The following HFM1 variants were observed in gnomAD, a reference collection of about 807,000 sequenced individuals.
HFM1 encodes probable ATP-dependent DNA helicase HFM1.
HFM1 carries 169 observed loss-of-function variants against 192.1 expected under a neutral mutation model. That is an observed-to-expected ratio of 0.88 (90% confidence interval 0.78 to 1.00). HFM1 has a LOEUF of 1.00. Ranked by LOEUF, HFM1 falls within the 50% of genes least tolerant of loss-of-function variation. HFM1 has a pLI of 0.00. For synonymous variants in HFM1, 525 were observed against 537.8 expected, an observed-to-expected ratio of 0.98 and a Z score of 0.33; for missense variants, 1,661 against 1,668.0, an observed-to-expected ratio of 1.00 and a Z score of 0.07.
At chr1:91,329,791 T>C (rs1653531168) in intron 20 of HFM1, among the ~76,000 whole-genome samples, 1 of 152,154 alleles carries the variant, frequency 6.6e-6, no homozygotes, top group Admixed American at 6.5e-5. Context: ...CATTGTTACA[T>C]GAAAGTGATA....
intron 19 of HFM1, among the ~76,000 whole-genome samples, chr1:91,345,679 TC>T (rs796160241): frequency 2.8e-4 from 43 of 152,262 alleles, no homozygotes; most frequent in African/African-American, 9.9e-4. Context: ...CTCTGATCTT[TC>T]CCTGCCTTTC....
chr1:91,367,832 G>A (rs1659584412), intron 13 of HFM1, among the ~76,000 whole-genome samples: 1 of 152,070 alleles, frequency 6.6e-6, no homozygotes, highest in Non-Finnish European at 1.5e-5. Context: ...TGAACCCATG[G>A]CAAAGAAGTT....
chr1:91,392,345 C>T (rs530209128), intron 4 of HFM1, among the ~76,000 whole-genome samples: 2 of 152,232 alleles, frequency 1.3e-5, no homozygotes, highest in African/African-American at 4.8e-5. Context: ...TTGGAACCAA[C>T]CAAATGTCCA....
intron 33 of HFM1, among the ~76,000 whole-genome samples, chr1:91,274,466 G>A (rs895072403): frequency 3.9e-5 from 6 of 152,014 alleles, no homozygotes; most frequent in Non-Finnish European, 8.8e-5. Context: ...TATAAAGAGA[G>A]AACCTAAGGG....
intron 20 of HFM1, among the ~76,000 whole-genome samples, chr1:91,330,229 A>C (rs1653608273): frequency 6.6e-6 from 1 of 152,152 alleles, no homozygotes; most frequent in South Asian, 2.1e-4. Context: ...AGTTATAAAG[A>C]AAAAAGTCAA....
intron 23 of HFM1, among the ~76,000 whole-genome samples, chr1:91,320,712 A>G (rs1245399349): frequency 6.6e-6 from 1 of 152,166 alleles, no homozygotes; most frequent in Non-Finnish European, 1.5e-5. Flanking sequence ...GTACAGAACC[A>G]TGGCAGGGCT....
chr1:91,356,245 T>TTA (rs1306569434), intron 13 of HFM1, among the ~76,000 whole-genome samples: 2 of 139,852 alleles, frequency 1.4e-5, no homozygotes, highest in East Asian at 4.3e-4. Flanking sequence ...CTAAGAGGAA[T>TTA]TTTTTTTTTT....
chr1:91,374,411 A>AGT lies in HFM1; in HGVS notation c.1685+945_1685+946dup, dbSNP rs756882940. On this transcript the variant is annotated intron_variant, in intron 13 of 38. Transcript: ENST00000370425. ...TGTAGAGAATAAAGCTGGATAAGAG[A>AGT]GTGTGTGTGTAGTGATTAAAGAAAA... is the stretch of plus-strand genomic sequence containing the variant. Among the ~76,000 whole-genome samples the AGT allele has an allele frequency of 7.9e-5, 12 of 152,144 alleles. No individual in the cohort carries two copies. In the East Asian group the frequency reaches 1.5e-3, roughly 20 times the overall value.
At chr1:91,296,612 G>T (rs767644555) in intron 30 of HFM1, among the ~76,000 whole-genome samples, 8 of 152,022 alleles carry the variant, frequency 5.3e-5, no homozygotes, top group Non-Finnish European at 1.0e-4. Context: ...AGATTAATTT[G>T]GGGAGAACTG....
At chr1:91,263,489 C>T (rs1354623700) in intron 36 of HFM1, among the ~76,000 whole-genome samples, 1 of 152,064 alleles carries the variant, frequency 6.6e-6, no homozygotes, top group African/African-American at 2.4e-5. Context: ...CACCTATAAT[C>T]CCAGCATTTT....
Position 91,401,037 on chromosome 1 carries a change from AAAAC to A in HFM1, c.42_45del (p.Leu14PhefsTer27). ...TTTTCAACTTCATCTGGTTTTTCAA[AAAAC>A]AAATTTTCCAAAGAAAACAGGCAAT... is the stretch of plus-strand genomic sequence containing the variant. On this transcript the variant is annotated frameshift_variant, in exon 2 of 39. Coordinates refer to ENST00000370425, the MANE Select transcript of HFM1 (RefSeq NM_001017975.6). LOFTEE classifies it high-confidence loss of function. 1 of 1,556,222 alleles carries A rather than the reference AAAAC, an allele frequency of 6.4e-7. No homozygotes were observed. Among genetic ancestry groups the A allele is most frequent in the Non-Finnish European group, 8.7e-7 (1 of 1,152,726 alleles).
At chr1:91,324,536 C>G (rs1006076051) in intron 21 of HFM1, 139 bp downstream of exon 21, 1 of 582,888 alleles carries the variant, frequency 1.7e-6, no homozygotes, top group Non-Finnish European at 3.1e-6. Flanking sequence ...CAGAATTATA[C>G]CAGAGGATAT....
At chr1:91,348,526 C>T (rs182918054) in intron 18 of HFM1, among the ~76,000 whole-genome samples, 36 of 152,020 alleles carry the variant, frequency 2.4e-4, no homozygotes, top group African/African-American at 6.5e-4. Context: ...CTGCATTGTT[C>T]GTAAGAGCAA....
chr1:91,298,790 A>G (rs1029140489), intron 30 of HFM1, among the ~76,000 whole-genome samples: 2 of 152,226 alleles, frequency 1.3e-5, no homozygotes, highest in Non-Finnish European at 2.9e-5. Flanking sequence ...TGAAGGAAGC[A>G]ATAAACATGG....
Position 91,319,329 on chromosome 1 carries a change from C to T in HFM1, c.2644G>A (p.Ala882Thr), listed in dbSNP as rs377522857. 34 of 1,612,450 alleles carry T rather than the reference C, an allele frequency of 2.1e-5. No homozygotes were observed. The highest frequency in any genetic ancestry group is 3.3e-4 in the Middle Eastern group (2 of 6,056). ...CGGGAGCCATGTCTGAAAATCTTTG[C>T]GGTATCTTGTGTCAAAGCAAAATCT... is the stretch of plus-strand genomic sequence containing the variant. ...IQDFALTQDT[A>T]KIFRHGSRIT... is the part of the protein sequence containing the mutation. Residue 882 changes from alanine to threonine, a missense_variant, in exon 24 of 39, where the codon GCA becomes ACA. By Grantham distance (58) the Ala-to-Thr change is moderately conservative. Transcript: ENST00000370425.
chr1:91,332,051 T>C (rs1653910371), intron 20 of HFM1, among the ~76,000 whole-genome samples: 1 of 152,040 alleles, frequency 6.6e-6, no homozygotes, highest in Non-Finnish European at 1.5e-5. Context: ...AGAGATTCAG[T>C]GCAATCCCTA....
rs188642554 is a variant in HFM1, at chr1:91,326,689, G to A, written c.2336-1923C>T. Among the ~76,000 whole-genome samples, 38 of 152,244 alleles carry A rather than the reference G, an allele frequency of 2.5e-4. No homozygotes were observed. In the East Asian group the frequency reaches 3.5e-3, roughly 14 times the overall value. On this transcript the variant is annotated intron_variant, in intron 20 of 38. Transcript: ENST00000370425. ...ATCATTTGAAAGTACAAAACTCACT[G>A]GTTATAGTAAGCACACAGAAAAACA...
intron 25 of HFM1, 85 bp downstream of exon 25, chr1:91,318,993 A>G: frequency 1.5e-6 from 2 of 1,311,034 alleles, no homozygotes; most frequent in Non-Finnish European, 2.1e-6. Context: ...GAAGGTCTGT[A>G]ATCATCACAG....
At chr1:91,334,729 G>A (rs1446617571) in intron 20 of HFM1, among the ~76,000 whole-genome samples, 2 of 152,020 alleles carry the variant, frequency 1.3e-5, no homozygotes, top group East Asian at 3.9e-4. Flanking sequence ...AGGAGTTCGA[G>A]ACCAGCCTGG....
Sources: allele counts gnomAD v4.1 joint callset (sites outside exome capture counted in the v4.1 genomes callset), GRCh38; gene constraint gnomAD v4.1.1; transcripts MANE v1.5; gene names NCBI Gene and HGNC (gene_info 2026-07-23, HGNC 2026-07-21).